Variants in DLGAP4 observed in about 807,000 individuals in gnomAD.
DLGAP4 encodes the protein DLG associated protein 4, also known as disks large-associated protein 4.
Under a neutral mutation model 86.9 loss-of-function variants are expected in DLGAP4, and 18 were observed. The ratio of observed to expected loss-of-function variants is 0.21; its 90% CI spans 0.14 to 0.31. DLGAP4 has a LOEUF of 0.31. Among genes scored for constraint, DLGAP4 ranks in the 10% least tolerant of loss-of-function variants. The pLI is 1.00. For synonymous variants in DLGAP4, 548 were observed against 574.3 expected, an observed-to-expected ratio of 0.95 and a Z score of 0.65; for missense variants, 1,085 against 1,362.6, an observed-to-expected ratio of 0.80 and a Z score of 3.21.
chr20:36,358,035 G>C (rs1368986088), intron 1 of DLGAP4, among the ~76,000 whole-genome samples: 1 of 152,224 alleles, frequency 6.6e-6, no homozygotes, highest in Non-Finnish European at 1.5e-5. Context: ...GGGGAGCACT[G>C]GACAGGGAGT....
intron 2 of DLGAP4, among the ~76,000 whole-genome samples, chr20:36,424,595 G>A (rs951987565): frequency 1.3e-5 from 2 of 152,144 alleles, no homozygotes; most frequent in African/African-American, 4.8e-5. Flanking sequence ...TCTGTGCAGG[G>A]GGGTCCTGGG....
rs145153761 is a variant in DLGAP4 at position 36,467,948 on chromosome 20, G to A, written c.1648+21011G>A. 1.4e-4 allele frequency among the ~76,000 whole-genome samples: 22 copies of A among 152,356 alleles called. No homozygotes were observed. The East Asian group carries it at 4.0e-3, about 28-fold the overall frequency. ...GCCCAAGGCCAACTGTCTCCAAACC[G>A]TGTCTCTTCCCACAGCTCAGCTCTG... On this transcript the variant is annotated intron_variant, in intron 7 of 12. Coordinates refer to ENST00000339266, the MANE Select transcript of DLGAP4 (RefSeq NM_001365621.2).
chr20:36,523,374 A>G (rs897734143), intron 10 of DLGAP4, among the ~76,000 whole-genome samples: 2 of 152,138 alleles, frequency 1.3e-5, no homozygotes, highest in African/African-American at 4.8e-5. Flanking sequence ...CTCGATTAGG[A>G]TATTTATTTT....
chr20:36,365,977 A>G (rs1445443692), intron 1 of DLGAP4, among the ~76,000 whole-genome samples: 1 of 151,878 alleles, frequency 6.6e-6, no homozygotes. Context: ...GTAAAATTGG[A>G]GGGGAGAGGG....
intron 1 of DLGAP4, among the ~76,000 whole-genome samples, chr20:36,309,349 G>A (rs2065033133): frequency 6.6e-6 from 1 of 152,214 alleles, no homozygotes; most frequent in African/African-American, 2.4e-5. Flanking sequence ...TTCCTCTGGT[G>A]CTGAGAAGAT....
Position 36,306,886 on chromosome 20 carries a change from C to T in DLGAP4, c.-304+374C>T, listed in dbSNP as rs1188199929. 4.6e-5 allele frequency among the ~76,000 whole-genome samples: 7 copies of T among 152,306 alleles called. No individual in the cohort carries two copies. The highest frequency in any genetic ancestry group is 1.7e-4 in the African/African-American group (7 of 41,584). On this transcript the variant is annotated intron_variant, in intron 1 of 12. Coordinates refer to ENST00000339266, the MANE Select transcript of DLGAP4 (RefSeq NM_001365621.2). The surrounding 1 kb of genome is among the most constrained non-coding windows in gnomAD (Gnocchi z 4.9). ...AGCGGCTGCCAAAGCCTGGAAGCCC[C>T]CTCCTCAGGCCCGCCCCCTAATCCG... is the stretch of plus-strand genomic sequence containing the variant.
chr20:36,363,992 T>C (rs567730741), intron 1 of DLGAP4, among the ~76,000 whole-genome samples: 4 of 152,288 alleles, frequency 2.6e-5, no homozygotes, highest in Non-Finnish European at 4.4e-5. Context: ...GAGGGCTTCC[T>C]GGAGGAGGAG....
At chr20:36,489,703 C>T (rs933738165) in intron 7 of DLGAP4, among the ~76,000 whole-genome samples, 3 of 151,862 alleles carry the variant, frequency 2.0e-5, no homozygotes, top group African/African-American at 7.3e-5. Context: ...GAGGCTGGCT[C>T]CAGATCACGG....
intron 2 of DLGAP4, among the ~76,000 whole-genome samples, chr20:36,420,477 T>G (rs560445509): frequency 6.6e-6 from 1 of 152,152 alleles, no homozygotes; most frequent in East Asian, 1.9e-4. Context: ...AAACCATCCA[T>G]GTCCCAAGGA....
In DLGAP4 at chr20:36,494,493, C is replaced by T. The variant is rs117374147; in HGVS notation, c.1649-2212C>T. Among the ~76,000 whole-genome samples, 4 of 152,268 alleles carry T rather than the reference C, an allele frequency of 2.6e-5. No homozygotes were observed. The East Asian group carries it at 7.7e-4, about 29-fold the overall frequency. The stretch of plus-strand genomic sequence containing the variant: ...AAATAATACAAAGGGATTCTTCATA[C>T]CCCTTACTCGATTTCCCTCAATAGT... On this transcript the variant is annotated intron_variant, in intron 7 of 12. Transcript: ENST00000339266.
At chr20:36,384,294 T>C (rs1026658558) in intron 2 of DLGAP4, among the ~76,000 whole-genome samples, 2 of 152,148 alleles carry the variant, frequency 1.3e-5, no homozygotes, top group African/African-American at 4.8e-5. Context: ...AGAGTTTTCA[T>C]GAATCATTTC....
intron 1 of DLGAP4, among the ~76,000 whole-genome samples, chr20:36,342,135 C>T (rs2065389805): frequency 6.6e-6 from 1 of 152,238 alleles, no homozygotes. Flanking sequence ...GTCTCCCCAG[C>T]GAGGGGCCAA....
At chr20:36,312,817 C>A (rs1026270067) in intron 1 of DLGAP4, among the ~76,000 whole-genome samples, 1 of 152,066 alleles carries the variant, frequency 6.6e-6, no homozygotes, top group Non-Finnish European at 1.5e-5. Context: ...GATAAGCCTG[C>A]GGGGGCAGAC....
chr20:36,388,693 G>A (rs1351441513), intron 2 of DLGAP4, among the ~76,000 whole-genome samples: 3 of 152,204 alleles, frequency 2.0e-5, no homozygotes, highest in Admixed American at 2.0e-4. Flanking sequence ...TTAAATTGGG[G>A]TAATAGACCC....
chr20:36,325,219 G>C (rs148202971), intron 1 of DLGAP4, among the ~76,000 whole-genome samples: 16 of 151,860 alleles, frequency 1.1e-4, no homozygotes, highest in African/African-American at 3.6e-4. Flanking sequence ...TTGACCCATG[G>C]GTTTTTTAGA....
At chr20:36,442,085 G>C (rs2033462674) in intron 5 of DLGAP4, among the ~76,000 whole-genome samples, 1 of 152,202 alleles carries the variant, frequency 6.6e-6, no homozygotes, top group Non-Finnish European at 1.5e-5. Context: ...GGGAAGAGCA[G>C]GCTCTGGGCT....
intron 2 of DLGAP4, among the ~76,000 whole-genome samples, chr20:36,372,709 T>C (rs1346614562): frequency 6.6e-6 from 1 of 152,254 alleles, no homozygotes; most frequent in Non-Finnish European, 1.5e-5. Flanking sequence ...GTAAGTTCAC[T>C]GCACCTTTCT....
intron 4 of DLGAP4, among the ~76,000 whole-genome samples, chr20:36,437,017 G>C (rs530766855): frequency 6.6e-6 from 1 of 152,196 alleles, no homozygotes; most frequent in East Asian, 1.9e-4. Context: ...CCTACCCCAG[G>C]AGTCCCGCCT....
chr20:36,526,750 A>T, intron 12 of DLGAP4, 63 bp from the exon 13 acceptor site: 1 of 1,423,360 alleles, frequency 7.0e-7, no homozygotes, highest in Non-Finnish European at 9.5e-7. Context: ...TGGTGGGGGT[A>T]GTGCCACACA....
Sources: gnomAD v4.1 joint callset for allele counts (sites outside exome capture counted in the v4.1 genomes callset) on GRCh38, gnomAD v4.1.1 for gene constraint, Gnocchi (gnomAD v3.1) non-coding constraint, MANE v1.5 for transcripts, NCBI Gene and HGNC (gene_info 2026-07-23, HGNC 2026-07-21) for gene names.